ZNF519: variants seen among roughly 807,000 people sequenced by gnomAD.
ZNF519 encodes the protein zinc finger protein 519, also known as similar to Zinc finger protein 85 (Zinc finger protein HPF4) (HTF1).
A neutral mutation model predicts 7.4 loss-of-function variants in ZNF519; 7 were observed. The ratio of observed to expected loss-of-function variants is 0.94; its 90% CI spans 0.54 to 1.77. The LOEUF is 1.77. ZNF519 is among the 40% of genes most tolerant of loss of function. ZNF519 has a pLI of 0.00. For missense variants in ZNF519, 586 were observed against 623.1 expected, an observed-to-expected ratio of 0.94 and a Z score of 0.63; for synonymous variants, 179 against 203.3, an observed-to-expected ratio of 0.88 and a Z score of 1.02.
chr18:14,076,752 T>G (rs1169571205), exon 5 of ZNF519: 2 of 152,032 alleles, frequency 1.3e-5, no homozygotes, highest in African/African-American at 4.8e-5. Context: ...ACAATTCAAT[T>G]CAGAAAACTG....
chr18:14,109,445 T>C (rs1188861970), intron 2 of ZNF519, among the ~76,000 whole-genome samples: 1 of 152,174 alleles, frequency 6.6e-6, no homozygotes, highest in Non-Finnish European at 1.5e-5. Context: ...TCATTCTCAT[T>C]GATAGACCAT....
chr18:14,128,305 C>CAAACAAAG (rs1369052156), intron 1 of ZNF519, among the ~76,000 whole-genome samples: 1 of 150,458 alleles, frequency 6.6e-6, no homozygotes, highest in Non-Finnish European at 1.5e-5. Context: ...AACAAACAAA[C>CAAACAAAG]AAACAAACTC....
chr18:14,087,772 T>C (rs1011808269), intron 2 of ZNF519, among the ~76,000 whole-genome samples: 1 of 152,210 alleles, frequency 6.6e-6, no homozygotes, highest in Admixed American at 6.5e-5. Flanking sequence ...AAAAAGAGCA[T>C]AGCTTGGTTT....
chr18:14,127,481 TG>T (rs1176341461), intron 1 of ZNF519, among the ~76,000 whole-genome samples: 1 of 152,180 alleles, frequency 6.6e-6, no homozygotes, highest in African/African-American at 2.4e-5. Context: ...GATCCTCTCA[TG>T]GAGGCTCCTT....
intron 2 of ZNF519, among the ~76,000 whole-genome samples, chr18:14,108,028 G>A (rs754967945): frequency 5.3e-5 from 8 of 152,118 alleles, no homozygotes; most frequent in Non-Finnish European, 7.4e-5. Flanking sequence ...AGGATACAAC[G>A]CTGGCAAGCC....
intron 1 of ZNF519, among the ~76,000 whole-genome samples, chr18:14,131,674 T>C (rs2046330919): frequency 6.6e-6 from 1 of 152,116 alleles, no homozygotes; most frequent in African/African-American, 2.4e-5. Context: ...AAATTCAAGC[T>C]TAAACAACTA....
At chr18:14,098,438 G>A (rs1251605845), downstream of ZNF519, among the ~76,000 whole-genome samples, 1 of 152,120 alleles carries the variant, frequency 6.6e-6, no homozygotes, top group Non-Finnish European at 1.5e-5. Context: ...GGGATTATAG[G>A]CATGAGCCAC....
At position 14,127,383 on chromosome 18, in the gene ZNF519, G is replaced by GGCCA. The variant is rs577029350; in HGVS notation, c.4-2911_4-2908dup. On this transcript the variant is annotated intron_variant, in intron 1 of 2. Transcript: ENST00000590202. ...CCCTGTCTTGTGAATCCTAGGCAGA[G>GGCCA]GCCAGCTTTTATGTGCAGATTCTAG... Among the ~76,000 whole-genome samples the GGCCA allele has an allele frequency of 7.9e-3, 1,199 of 152,216 alleles. 18 individuals carry two copies. The highest frequency in any genetic ancestry group is 0.026 in the African/African-American group (1,094 of 41,520).
At chr18:14,092,375 G>A (rs1342347980) in intron 2 of ZNF519, among the ~76,000 whole-genome samples, 1 of 152,158 alleles carries the variant, frequency 6.6e-6, no homozygotes, top group Non-Finnish European at 1.5e-5. Flanking sequence ...TTTAGACAGA[G>A]ACCCTGATAA....
chr18:14,127,973 G>A (rs1320693684), intron 1 of ZNF519, among the ~76,000 whole-genome samples: 1 of 151,600 alleles, frequency 6.6e-6, no homozygotes, highest in Non-Finnish European at 1.5e-5. Context: ...ATAACTGAAA[G>A]CAAACCCATT....
At position 14,121,158 on chromosome 18, in the gene ZNF519, G is replaced by A. The variant is rs144848335; in HGVS notation, c.130+3192C>T. ...ACTCATAGAAGCAGAGAGTAGAAGG[G>A]TGGTTGTTAGTGCCTGAGGGTGGGA... is the stretch of plus-strand genomic sequence containing the variant. On this transcript the variant is annotated intron_variant, in intron 2 of 2. Transcript: ENST00000590202. Among the ~76,000 whole-genome samples, 135 of 152,220 alleles carry A rather than the reference G, an allele frequency of 8.9e-4. 3 individuals are homozygous for A. Among genetic ancestry groups the A allele is most frequent in the African/African-American group, 3.1e-3 (130 of 41,552 alleles).
chr18:14,131,490 T>C (rs894216707), intron 1 of ZNF519, among the ~76,000 whole-genome samples: 75 of 152,326 alleles, frequency 4.9e-4, no homozygotes, highest in African/African-American at 1.7e-3. Context: ...TGTGAGACCC[T>C]GCTTGCCACA....
rs539383454 is a variant in ZNF519, at chr18:14,105,047, G to C, written c.1493C>G (p.Thr498Ser). Residue 498 changes from threonine to serine, a missense_variant, in exon 3 of 3, where the codon ACC becomes AGC. Coordinates refer to ENST00000590202, the MANE Select transcript of ZNF519 (RefSeq NM_145287.4). ...ATGTTGAGTAAGGTGTGAGCTCCTGGTAAAAGCTTTGCCACATTCTTTACA... is the reference window on the plus strand; with the variant it reads ...ATGTTGAGTAAGGTGTGAGCTCCTGCTAAAAGCTTTGCCACATTCTTTACA... ...FKCKECGKAFTRSSHLTQHQR... is the reference protein window; with the variant it reads ...FKCKECGKAFSRSSHLTQHQR... 3.1e-5 allele frequency: 49 copies of C among 1,571,668 alleles called. 1 individual carries two copies. The South Asian group carries it at 5.4e-4, about 17-fold the overall frequency.
rs1480703912 is a variant in ZNF519, at chr18:14,101,105, G to C, written c.*3812C>G. 1 of 152,648 alleles carries C rather than the reference G, an allele frequency of 6.6e-6. No homozygotes were observed. The highest frequency in any genetic ancestry group is 1.9e-4 in the East Asian group (1 of 5,188). 9.5% of individuals were successfully genotyped at this position (152,648 alleles called of 1,614,324 possible). On this transcript the variant is annotated 3_prime_UTR_variant, in exon 3 of 3. Coordinates refer to ENST00000590202, the MANE Select transcript of ZNF519 (RefSeq NM_145287.4). ...CAAGACACAGATAATAGGTGGCTGA[G>C]TCCCCCTTGTGCTGTGGAGGGATGG...
chr18:14,088,799 T>C (rs2046101863), intron 2 of ZNF519, among the ~76,000 whole-genome samples: 1 of 152,194 alleles, frequency 6.6e-6, no homozygotes, highest in South Asian at 2.1e-4. Flanking sequence ...ACTGTCTCCT[T>C]ATTTGAAATT....
intron 1 of ZNF519, 62 bp downstream of exon 1, chr18:14,132,213 T>C: frequency 2.5e-6 from 4 of 1,598,746 alleles, no homozygotes; most frequent in East Asian, 2.2e-5. Context: ...GTCACCGCCA[T>C]GTCCAGCCGG....
At chr18:14,072,451 T>G (rs2046031629), downstream of ZNF519, 2 of 152,176 alleles carry the variant, frequency 1.3e-5, no homozygotes, top group South Asian at 4.1e-4. Flanking sequence ...GGCACTAGTG[T>G]CAGTTCATAT....
chr18:14,085,151 G>A (rs776546638), intron 2 of ZNF519: 2 of 152,056 alleles, frequency 1.3e-5, no homozygotes, highest in Non-Finnish European at 2.9e-5. Flanking sequence ...AAAATTCCCT[G>A]GGCTGACTTG....
rs1450005469 is a variant in ZNF519 at position 14,104,663 on chromosome 18, AACAT to A, written c.*250_*253del. 1 of 355,978 alleles carries A rather than the reference AACAT, an allele frequency of 2.8e-6. No individual in the cohort carries two copies. Among genetic ancestry groups the A allele is most frequent in the African/African-American group, 2.1e-5 (1 of 47,636 alleles). 22.1% of individuals were successfully genotyped at this position (355,978 alleles called of 1,614,324 possible). On this transcript the variant is annotated 3_prime_UTR_variant, in exon 3 of 3. Transcript: ENST00000590202. The stretch of plus-strand genomic sequence containing the variant: ...TCCATCAATGTCGTCCCTCTTTTTA[AACAT>A]ACAATTTAATTATCTAATTGAGTTT...
Sources: gnomAD v4.1 joint callset for allele counts (sites outside exome capture counted in the v4.1 genomes callset) on GRCh38, gnomAD v4.1.1 for gene constraint, MANE v1.5 for transcripts, NCBI Gene and HGNC (gene_info 2026-07-23, HGNC 2026-07-21) for gene names.